Variants in POU2F1 observed in about 807,000 individuals in gnomAD.
POU2F1 encodes POU class 2 homeobox 1.
Under a neutral mutation model 84.9 loss-of-function variants are expected in POU2F1, and 16 were observed. The ratio of observed to expected loss-of-function variants is 0.19; its 90% CI spans 0.13 to 0.29. The LOEUF is 0.29. Ranked by LOEUF, POU2F1 falls within the 10% of genes least tolerant of loss-of-function variation. The probability of loss-of-function intolerance (pLI) is 1.00; values close to 1 mark genes in which losing one functional copy is unlikely to be tolerated. For synonymous variants in POU2F1, 368 were observed against 368.3 expected (o/e 1.00, Z 0.01); for missense variants, 738 against 942.6 (o/e 0.78, Z 2.84).
chr1:167,374,864 G>A (rs1305448602), intron 6 of POU2F1, among the ~76,000 whole-genome samples: 4 of 152,002 alleles, frequency 2.6e-5, no homozygotes, highest in African/African-American at 9.7e-5. Context: ...TCAGGAGTTC[G>A]AGACCATACT....
At chr1:167,342,535 C>G (rs190151420) in intron 2 of POU2F1, among the ~76,000 whole-genome samples, 3 of 152,170 alleles carry the variant, frequency 2.0e-5, no homozygotes, top group Admixed American at 6.5e-5. Context: ...CCTGAAAGAC[C>G]AGGGTACCAG....
In POU2F1 at chr1:167,395,817, C is replaced by T. The variant is rs192281246; in HGVS notation, c.988-469C>T. Among the ~76,000 whole-genome samples the T allele has an allele frequency of 2.0e-5, 3 of 152,214 alleles. 1 individual carries two copies. Among genetic ancestry groups the T allele is most frequent in the African/African-American group, 7.2e-5 (3 of 41,542 alleles). ...GTTTTGCCATGTTCTCCAGGCTGGTCTGGAAATCCTGGGCTCAAGCATTCC... is the reference window on the plus strand; with the variant it reads ...GTTTTGCCATGTTCTCCAGGCTGGTTTGGAAATCCTGGGCTCAAGCATTCC... On this transcript the variant is annotated intron_variant, in intron 9 of 15. Transcript: ENST00000367866.
chr1:167,334,242 C>T (rs1190737012), intron 2 of POU2F1, among the ~76,000 whole-genome samples: 1 of 144,850 alleles, frequency 6.9e-6, no homozygotes, highest in Non-Finnish European at 1.5e-5. Context: ...CTCACTGCAA[C>T]CTCTGCCTCC....
At chr1:167,322,056 G>A (rs922184756) in intron 1 of POU2F1, among the ~76,000 whole-genome samples, 6 of 152,180 alleles carry the variant, frequency 3.9e-5, no homozygotes, top group Non-Finnish European at 5.9e-5. Context: ...GATTGAATTG[G>A]CCACGTGGAC....
chr1:167,358,745 G>T (rs1659154619), intron 2 of POU2F1, among the ~76,000 whole-genome samples: 2 of 16,840 alleles, frequency 1.2e-4, no homozygotes, highest in Admixed American at 7.8e-4. Flanking sequence ...TTTGAGACAG[G>T]TTCTGACTGT....
Position 167,384,840 on chromosome 1 carries a change from T to G in POU2F1, c.813+889T>G, listed in dbSNP as rs985644492. Among the ~76,000 whole-genome samples the G allele has an allele frequency of 3.3e-5, 5 of 152,016 alleles. No homozygotes were observed. In the East Asian group the frequency reaches 9.6e-4, roughly 29 times the overall value. ...CTTTTATTCCACATTATACTCAAGG[T>G]GCCAGTAATGCAATAAGACAATAAA... On this transcript the variant is annotated intron_variant, in intron 8 of 15. Transcript: ENST00000367866.
At chr1:167,266,936 T>G (rs1652005245) in intron 1 of POU2F1, among the ~76,000 whole-genome samples, 1 of 152,140 alleles carries the variant, frequency 6.6e-6, no homozygotes, top group Non-Finnish European at 1.5e-5. Context: ...TTATTTCACT[T>G]AGGAATTCTG....
At chr1:167,387,193 C>T (rs1230720783) in intron 8 of POU2F1, 1 of 455,986 alleles carries the variant, frequency 2.2e-6, no homozygotes, top group South Asian at 1.5e-5. Flanking sequence ...CTGGCCCAGT[C>T]CAGCCTGAGG....
chr1:167,235,645 C>T (rs1275580778), intron 1 of POU2F1, among the ~76,000 whole-genome samples: 3 of 152,162 alleles, frequency 2.0e-5, no homozygotes, highest in Admixed American at 6.5e-5. Context: ...CATGCATGTA[C>T]ACATAATTTT....
chr1:167,237,593 A>G (rs1005882219), intron 1 of POU2F1, among the ~76,000 whole-genome samples: 1 of 151,892 alleles, frequency 6.6e-6, no homozygotes, highest in Admixed American at 6.6e-5. Context: ...ACACAAAGTC[A>G]TTTTGTACTA....
intron 6 of POU2F1, among the ~76,000 whole-genome samples, chr1:167,374,834 G>A (rs916048189): frequency 3.3e-5 from 5 of 152,170 alleles, no homozygotes; most frequent in African/African-American, 7.2e-5. Context: ...TTGGGAGGCC[G>A]AGGCGGGCGG....
At chr1:167,357,841 G>A (rs1659069118) in intron 2 of POU2F1, among the ~76,000 whole-genome samples, 1 of 118,276 alleles carries the variant, frequency 8.5e-6, no homozygotes, top group African/African-American at 3.4e-5. Context: ...GTCTCACTCT[G>A]TCTTCAGGCT....
At chr1:167,349,746 T>C (rs950307433) in intron 2 of POU2F1, among the ~76,000 whole-genome samples, 1 of 152,236 alleles carries the variant, frequency 6.6e-6, no homozygotes, top group Non-Finnish European at 1.5e-5. Context: ...CTATGTGATA[T>C]TCCTGGTTCT....
intron 13 of POU2F1, among the ~76,000 whole-genome samples, chr1:167,410,850 T>A (rs1649912883): frequency 6.6e-6 from 1 of 152,010 alleles, no homozygotes; most frequent in Non-Finnish European, 1.5e-5. Context: ...TACTAGAAAT[T>A]TTTAAATTAC....
intron 2 of POU2F1, among the ~76,000 whole-genome samples, chr1:167,342,061 C>T (rs913426979): frequency 3.3e-5 from 5 of 151,954 alleles, no homozygotes; most frequent in Non-Finnish European, 7.4e-5. Context: ...AGCCTGGGGT[C>T]TGGGGGTTAT....
chr1:167,382,071 G>A (rs773521870), intron 7 of POU2F1, among the ~76,000 whole-genome samples: 3 of 152,086 alleles, frequency 2.0e-5, no homozygotes, highest in Non-Finnish European at 4.4e-5. Context: ...TCAAAAATTA[G>A]TTGAGTGCCT....
intron 10 of POU2F1, 150 bp downstream of exon 10, chr1:167,396,577 G>T: frequency 1.3e-6 from 1 of 741,276 alleles, no homozygotes; most frequent in Non-Finnish European, 2.1e-6. Flanking sequence ...ATAAATTATG[G>T]TGATATAAAT....
At chr1:167,387,246 A>C (rs1176401592) in intron 8 of POU2F1, 1 of 455,914 alleles carries the variant, frequency 2.2e-6, no homozygotes, top group South Asian at 1.5e-5. Flanking sequence ...CCCCATCTAA[A>C]GGTACCCAAG....
chr1:167,253,376 G>GGC (rs1650873113), intron 1 of POU2F1, among the ~76,000 whole-genome samples: 1 of 121,590 alleles, frequency 8.2e-6, no homozygotes, highest in African/African-American at 4.0e-5. Flanking sequence ...TTATTTTTCT[G>GGC]CCCCCCCCCC....
Sources: allele counts gnomAD v4.1 joint callset (sites outside exome capture counted in the v4.1 genomes callset), GRCh38; gene constraint gnomAD v4.1.1; transcripts MANE v1.5; gene names NCBI Gene and HGNC (gene_info 2026-07-23, HGNC 2026-07-21).